RMDN2: variants seen among roughly 807,000 people sequenced by gnomAD.
RMDN2 encodes the protein regulator of microtubule dynamics 2, also known as regulator of microtubule dynamics protein 2.
A neutral mutation model predicts 52.8 loss-of-function variants in RMDN2; 61 were observed. The ratio of observed to expected loss-of-function variants is 1.16; its 90% CI spans 0.94 to 1.43. RMDN2 has a LOEUF of 1.43. Ranked by LOEUF, RMDN2 falls within the 40% of genes most tolerant of loss-of-function variation. RMDN2 has a pLI of 0.00. For synonymous variants in RMDN2, 180 were observed against 153.1 expected, an observed-to-expected ratio of 1.18 and a Z score of -1.30; for missense variants, 592 against 475.3, an observed-to-expected ratio of 1.25 and a Z score of -2.28.
intron 7 of RMDN2, among the ~76,000 whole-genome samples, chr2:37,995,366 C>CTACTACTACT (rs1553372281): frequency 2.8e-5 from 4 of 141,686 alleles, no homozygotes; most frequent in South Asian, 2.2e-4. Context: ...ACTACTACTA[C>CTACTACTACT]ACACACACAC....
At chr2:37,925,872 C>T (rs2124874507) in intron 1 of RMDN2, among the ~76,000 whole-genome samples, 1 of 152,264 alleles carries the variant, frequency 6.6e-6, no homozygotes, top group African/African-American at 2.4e-5. Context: ...TCCGTCTGTG[C>T]CTATTTCACA....
chr2:37,978,532 G>A (rs1672868040), intron 4 of RMDN2, among the ~76,000 whole-genome samples: 1 of 152,088 alleles, frequency 6.6e-6, no homozygotes, highest in Non-Finnish European at 1.5e-5. Context: ...TCTTATTAAA[G>A]AAGAGTACAG....
chr2:38,003,860 A>G (rs968385756), intron 8 of RMDN2, 131 bp from the exon 9 acceptor site: 2 of 710,956 alleles, frequency 2.8e-6, no homozygotes, highest in Admixed American at 4.5e-5. Context: ...TCAAATGTGA[A>G]ACAACCAACC....
chr2:37,929,789 T>A (rs1666572945), intron 2 of RMDN2, 60 bp downstream of exon 2: 1 of 1,185,152 alleles, frequency 8.4e-7, no homozygotes. Context: ...TACTATTATT[T>A]AGGTATTTTC....
chr2:37,942,865 A>T (rs559941827), intron 2 of RMDN2, among the ~76,000 whole-genome samples: 152 of 152,346 alleles, frequency 1.0e-3, no homozygotes, highest in African/African-American at 3.5e-3. Context: ...CAGATTTTTT[A>T]AAAGAAAATC....
intron 2 of RMDN2, among the ~76,000 whole-genome samples, chr2:37,941,487 C>T (rs1021374859): frequency 6.6e-5 from 10 of 152,224 alleles, no homozygotes; most frequent in East Asian, 1.9e-4. Flanking sequence ...GCTGAAGCTG[C>T]GCCCACAGCC....
chr2:37,952,103 T>C, intron 2 of RMDN2: 1 of 1,613,228 alleles, frequency 6.2e-7, no homozygotes, highest in Non-Finnish European at 8.5e-7. Flanking sequence ...TTATCCCACC[T>C]CAAAGCGAAT....
chr2:38,048,666 C>T (rs1681415224), intron 10 of RMDN2, among the ~76,000 whole-genome samples: 2 of 152,200 alleles, frequency 1.3e-5, no homozygotes, highest in South Asian at 4.1e-4. Context: ...CTCCGACAAA[C>T]AACAGAACCA....
chr2:37,923,405 T>G (rs956014986), upstream of RMDN2: 1 of 152,196 alleles, frequency 6.6e-6, no homozygotes, highest in Non-Finnish European at 1.5e-5. Flanking sequence ...CACATTTTTA[T>G]TGAAAGCCTC....
chr2:38,022,225 A>G (rs888210913), downstream of RMDN2, among the ~76,000 whole-genome samples: 1 of 152,246 alleles, frequency 6.6e-6, no homozygotes, highest in Non-Finnish European at 1.5e-5. Context: ...AATGGTTTCT[A>G]TATTAAATAC....
intron 2 of RMDN2, among the ~76,000 whole-genome samples, chr2:37,940,899 A>G (rs1667727927): frequency 6.6e-6 from 1 of 152,158 alleles, no homozygotes; most frequent in Non-Finnish European, 1.5e-5. Context: ...CTGTCAATTC[A>G]TCAAACTCAT....
At chr2:38,016,495 C>A (rs933323399) in intron 10 of RMDN2, among the ~76,000 whole-genome samples, 1 of 152,144 alleles carries the variant, frequency 6.6e-6, no homozygotes, top group African/African-American at 2.4e-5. Flanking sequence ...TAAACAACAC[C>A]GTGAATTAAC....
chr2:38,006,078 C>T (rs1321018311), intron 10 of RMDN2, among the ~76,000 whole-genome samples: 1 of 152,164 alleles, frequency 6.6e-6, no homozygotes, highest in Non-Finnish European at 1.5e-5. Context: ...GTTTTGGTAC[C>T]AGTACCATGC....
chr2:38,042,445 A>G (rs958779645), intron 10 of RMDN2, among the ~76,000 whole-genome samples: 8 of 145,218 alleles, frequency 5.5e-5, no homozygotes, highest in African/African-American at 1.3e-4. Context: ...CACACACACC[A>G]CACACACACA....
rs74608226 is a variant in RMDN2 at position 37,933,552 on chromosome 2, T to G, written c.452+3823T>G. Among the ~76,000 whole-genome samples the G allele has an allele frequency of 1.6e-3, 248 of 152,348 alleles. 7 individuals carry two copies. In the East Asian group the frequency reaches 0.042, roughly 26 times the overall value. On this transcript the variant is annotated intron_variant, in intron 2 of 10. Transcript: ENST00000354545. ...CGGGAGGCCGAGGCTGGCGGATCGC[T>G]CGCGGTTAGGAGCTGGAGACCAGCC...
chr2:37,942,056 G>A (rs1667839846), intron 2 of RMDN2, among the ~76,000 whole-genome samples: 1 of 152,152 alleles, frequency 6.6e-6, no homozygotes, highest in African/African-American at 2.4e-5. Context: ...AAATCTCCTG[G>A]TCTGTGGGTT....
chr2:38,012,564 T>C (rs1678154537), intron 10 of RMDN2: 1 of 466,120 alleles, frequency 2.1e-6, no homozygotes, highest in East Asian at 7.0e-5. Context: ...AGCAAAATAG[T>C]ATGAGCAAAT....
chr2:37,947,790 T>C (rs1668342463), intron 2 of RMDN2, among the ~76,000 whole-genome samples: 1 of 152,224 alleles, frequency 6.6e-6, no homozygotes, highest in African/African-American at 2.4e-5. Context: ...GTAGAAAAAC[T>C]TAAATTTGTC....
chr2:38,057,536 G>C (rs1389446830), intron 10 of RMDN2, among the ~76,000 whole-genome samples: 5 of 152,194 alleles, frequency 3.3e-5, no homozygotes, highest in African/African-American at 1.2e-4. Context: ...AACCACAGGA[G>C]ATTCATCTTA....
Sources: gnomAD v4.1 joint callset for allele counts (sites outside exome capture counted in the v4.1 genomes callset) on GRCh38, gnomAD v4.1.1 for gene constraint, MANE v1.5 for transcripts, NCBI Gene and HGNC (gene_info 2026-07-23, HGNC 2026-07-21) for gene names.